ANKRD30BL: variants seen among roughly 807,000 people sequenced by gnomAD.
ANKRD30BL encodes ankyrin repeat domain 30B like, also known as putative ankyrin repeat domain-containing protein 30B-like.
A neutral mutation model predicts 18.4 loss-of-function variants in ANKRD30BL; 20 were observed. The ratio of observed to expected loss-of-function variants is 1.09; its 90% confidence interval spans 0.77 to 1.58. The LOEUF is 1.58. Among genes scored for constraint, ANKRD30BL ranks in the 40% most tolerant of loss-of-function variants. The pLI, the probability that ANKRD30BL is intolerant of heterozygous loss-of-function variation, is 0.00. For synonymous variants in ANKRD30BL, 72 were observed against 100.9 expected (o/e 0.71, Z 1.72); for missense variants, 224 against 268.6 (o/e 0.83, Z 1.16).
chr2:132,203,661 A>G (rs1679154148), intron 1 of ANKRD30BL, among the ~76,000 whole-genome samples: 1 of 152,020 alleles, frequency 6.6e-6, no homozygotes, highest in South Asian at 2.1e-4. Context: ...TATTAGTGTG[A>G]TGACATACTT....
Position 132,218,549 on chromosome 2 carries a change from G to A in ANKRD30BL, n.441+38980C>T, listed in dbSNP as rs564614383. ...AGAGTTGATAATTTCTTTTGATAGA[G>A]CAGGTTTGAAACACTCTTTTTGCAG... On this transcript the variant is annotated intron_variant and non_coding_transcript_variant, in intron 1 of 4. Transcript: ENST00000470729. 2.0e-5 allele frequency among the ~76,000 whole-genome samples: 3 copies of A among 152,382 alleles called. No homozygotes were observed. The East Asian group carries it at 5.8e-4, about 29-fold the overall frequency.
intron 1 of ANKRD30BL, among the ~76,000 whole-genome samples, chr2:132,210,709 T>A (rs960606476): frequency 6.6e-6 from 1 of 151,824 alleles, no homozygotes. Context: ...AACTGAAATA[T>A]CTTCACCTAA....
chr2:132,188,158 A>C (rs1422309649), intron 1 of ANKRD30BL, among the ~76,000 whole-genome samples: 1 of 152,082 alleles, frequency 6.6e-6, no homozygotes. Context: ...TATGTTGAAG[A>C]ATAGTATCTC....
intron 1 of ANKRD30BL, among the ~76,000 whole-genome samples, chr2:132,204,777 A>T (rs3897283): frequency 1.3e-5 from 2 of 151,886 alleles, no homozygotes; most frequent in African/African-American, 4.8e-5. Context: ...TCATCGTTAG[A>T]TGAGATGGGC....
At chr2:132,200,389 A>C (rs1390331449) in intron 1 of ANKRD30BL, among the ~76,000 whole-genome samples, 2 of 152,172 alleles carry the variant, frequency 1.3e-5, no homozygotes, top group Non-Finnish European at 2.9e-5. Context: ...GTATGTCTAG[A>C]AAATCCCATT....
At chr2:132,234,242 A>T (rs1238191411) in intron 1 of ANKRD30BL, among the ~76,000 whole-genome samples, 2 of 152,080 alleles carry the variant, frequency 1.3e-5, no homozygotes, top group Non-Finnish European at 2.9e-5. Context: ...AAGAAAAGAT[A>T]AAAAATTGAC....
At chr2:132,153,197 T>C (rs547622864) in intron 4 of ANKRD30BL, among the ~76,000 whole-genome samples, 1 of 152,280 alleles carries the variant, frequency 6.6e-6, no homozygotes, top group Admixed American at 6.5e-5. Context: ...AATGTCTTCC[T>C]TGGACTTAGG....
chr2:132,152,381 A>G (rs1259443090), intron 4 of ANKRD30BL: 1 of 152,384 alleles, frequency 6.6e-6, no homozygotes, highest in East Asian at 1.9e-4. Flanking sequence ...AAGACTGATC[A>G]GTGATGGATG....
intron 1 of ANKRD30BL, among the ~76,000 whole-genome samples, chr2:132,209,356 T>C (rs1573842949): frequency 1.3e-5 from 2 of 151,630 alleles, no homozygotes; most frequent in South Asian, 2.1e-4. Flanking sequence ...CCTTAAAAAC[T>C]AGACAGAAGC....
intron 1 of ANKRD30BL, among the ~76,000 whole-genome samples, chr2:132,211,798 CA>C (rs1679359588): frequency 6.6e-6 from 1 of 152,048 alleles, no homozygotes; most frequent in African/African-American, 2.4e-5. Context: ...GCATTCATCT[CA>C]CAGAGTTGAA....
intron 1 of ANKRD30BL, among the ~76,000 whole-genome samples, chr2:132,246,221 T>C (rs1003571563): frequency 2.6e-5 from 4 of 151,652 alleles, no homozygotes; most frequent in Admixed American, 6.6e-5. Flanking sequence ...ATAGAGCAGT[T>C]TTGCAACACT....
At chr2:132,249,954 C>T (rs532901482) in intron 1 of ANKRD30BL, among the ~76,000 whole-genome samples, 1 of 152,248 alleles carries the variant, frequency 6.6e-6, no homozygotes, top group South Asian at 2.1e-4. Flanking sequence ...AGCAGTTTAT[C>T]ATAAATCTTC....
intron 1 of ANKRD30BL, among the ~76,000 whole-genome samples, chr2:132,245,279 A>G (rs1445133512): frequency 1.1e-4 from 17 of 152,258 alleles, no homozygotes; most frequent in Non-Finnish European, 2.1e-4. Flanking sequence ...TCTTCACATA[A>G]AAACTAGACA....
intron 1 of ANKRD30BL, among the ~76,000 whole-genome samples, chr2:132,222,546 G>A (rs1462328040): frequency 1.3e-5 from 2 of 152,100 alleles, no homozygotes; most frequent in Admixed American, 1.3e-4. Context: ...CCCCAACCCT[G>A]TGCTCTCTGA....
chr2:132,225,143 G>A lies in ANKRD30BL; in HGVS notation n.441+32386C>T, dbSNP rs549244582. Among the ~76,000 whole-genome samples, 4 of 152,008 alleles carry A rather than the reference G, an allele frequency of 2.6e-5. No individual in the cohort carries two copies. The South Asian group carries it at 8.3e-4, about 32-fold the overall frequency. ...CGCTTTGAGGCCTTCGTTGGAAACG[G>A]GAATATCTTCACATAATCACTAGAC... is the stretch of plus-strand genomic sequence containing the variant. On this transcript the variant is annotated intron_variant and non_coding_transcript_variant, in intron 1 of 4. Transcript: ENST00000470729.
intron 1 of ANKRD30BL, among the ~76,000 whole-genome samples, chr2:132,240,433 G>C (rs1680284173): frequency 6.6e-6 from 1 of 151,666 alleles, no homozygotes; most frequent in South Asian, 2.1e-4. Flanking sequence ...TCTTTTTGTA[G>C]AATCTATAAG....
At chr2:132,191,856 C>T (rs1678858721) in intron 1 of ANKRD30BL, among the ~76,000 whole-genome samples, 1 of 151,660 alleles carries the variant, frequency 6.6e-6, no homozygotes, top group Non-Finnish European at 1.5e-5. Flanking sequence ...ATTATCCTGC[C>T]TCAGCCTCCT....
intron 1 of ANKRD30BL, among the ~76,000 whole-genome samples, chr2:132,186,438 T>A (rs1193917227): frequency 2.6e-5 from 4 of 152,218 alleles, no homozygotes; most frequent in Admixed American, 2.0e-4. Context: ...GTTGTTTAAT[T>A]TCTGCATGAA....
At chr2:132,247,014 T>C (rs546047404) in intron 1 of ANKRD30BL, among the ~76,000 whole-genome samples, 1 of 152,216 alleles carries the variant, frequency 6.6e-6, no homozygotes. Flanking sequence ...TCTCAGAAAC[T>C]TCTTTGTGAT....
Sources: gnomAD v4.1 joint callset for allele counts (sites outside exome capture counted in the v4.1 genomes callset) on GRCh38, gnomAD v4.1.1 for gene constraint, MANE v1.5 for transcripts, NCBI Gene and HGNC (gene_info 2026-07-23, HGNC 2026-07-21) for gene names.